The following MYCBP2 variants were observed in gnomAD, a reference collection of about 807,000 sequenced individuals.
The protein encoded by MYCBP2 is MYC binding protein 2, also known as E3 ubiquitin-protein ligase MYCBP2.
MYCBP2 carries 120 observed loss-of-function variants against 525.3 expected under a neutral mutation model. That is an observed-to-expected ratio of 0.23 (90% CI 0.20 to 0.27). The LOEUF (loss-of-function observed/expected upper bound fraction) is 0.27, where lower values mean the gene tolerates loss of function less well. MYCBP2 is among the 10% of genes least tolerant of loss of function. The pLI, the probability that MYCBP2 is intolerant of heterozygous loss-of-function variation, is 1.00. For missense variants in MYCBP2, 4,149 were observed against 5,657.1 expected (o/e 0.73, Z 8.55); for synonymous variants, 1,894 against 1,955.8 (o/e 0.97, Z 0.83).
At chr13:77,128,033 T>C (rs1220550496) in intron 52 of MYCBP2, among the ~76,000 whole-genome samples, 1 of 151,836 alleles carries the variant, frequency 6.6e-6, no homozygotes, top group Admixed American at 6.6e-5. Flanking sequence ...TTTTAAACAC[T>C]CAAAAAACTT....
At chr13:77,200,010 T>C (rs1460692017) in intron 26 of MYCBP2, among the ~76,000 whole-genome samples, 1 of 152,094 alleles carries the variant, frequency 6.6e-6, no homozygotes, top group Non-Finnish European at 1.5e-5. Flanking sequence ...GAAACACAGT[T>C]CCTCACCAGC....
intron 8 of MYCBP2, among the ~76,000 whole-genome samples, chr13:77,264,834 T>C (rs1401819474): frequency 6.6e-6 from 1 of 151,876 alleles, no homozygotes; most frequent in Non-Finnish European, 1.5e-5. Flanking sequence ...TCTGTCCTTT[T>C]GGAAAAACAA....
intron 1 of MYCBP2, among the ~76,000 whole-genome samples, chr13:77,311,904 C>G (rs2080283590): frequency 6.6e-6 from 1 of 151,994 alleles, no homozygotes; most frequent in South Asian, 2.1e-4. Flanking sequence ...GCTCAGTACT[C>G]TTCAAAGAGG....
At chr13:77,306,434 A>C (rs1190775203) in intron 1 of MYCBP2, among the ~76,000 whole-genome samples, 1 of 152,170 alleles carries the variant, frequency 6.6e-6, no homozygotes, top group East Asian at 1.9e-4. Context: ...ATGAAAACAG[A>C]TTTCTTATAT....
chr13:77,103,445 C>T (rs1208055335), intron 55 of MYCBP2: 1 of 388,624 alleles, frequency 2.6e-6, no homozygotes, highest in Non-Finnish European at 4.5e-6. Flanking sequence ...TTATATTCTG[C>T]TATATTTTTG....
At chr13:77,325,378 C>T (rs547307120) in intron 1 of MYCBP2, among the ~76,000 whole-genome samples, 2 of 152,336 alleles carry the variant, frequency 1.3e-5, no homozygotes, top group African/African-American at 4.8e-5. Context: ...ATGAAGCCAA[C>T]TCCCAATTAC....
rs140020103 is a variant in MYCBP2, at chr13:77,308,173, C to T, written c.303-11499G>A. Among the ~76,000 whole-genome samples the T allele has an allele frequency of 5.5e-4, 84 of 152,150 alleles. 1 individual carries two copies. Among genetic ancestry groups the T allele is most frequent in the Admixed American group, 4.7e-3 (72 of 15,298 alleles). On this transcript the variant is annotated intron_variant, in intron 1 of 82. Transcript: ENST00000544440. ...AACCTTTCCAGCTACTTCAAAATCC[C>T]TCCCCTACCCATCAACTCAGAGCAG...
chr13:77,303,665 C>T (rs896714834), intron 1 of MYCBP2, among the ~76,000 whole-genome samples: 4 of 151,698 alleles, frequency 2.6e-5, no homozygotes, highest in Non-Finnish European at 5.9e-5. Flanking sequence ...AAAATATTTT[C>T]CATAAAATGA....
intron 45 of MYCBP2, among the ~76,000 whole-genome samples, chr13:77,157,071 T>C (rs1445503829): frequency 2.6e-5 from 4 of 152,172 alleles, no homozygotes; most frequent in Non-Finnish European, 1.5e-5. Flanking sequence ...TTAACAACTA[T>C]AATAAATTTA....
At chr13:77,114,550 C>T (rs939334988) in intron 55 of MYCBP2, among the ~76,000 whole-genome samples, 2 of 151,994 alleles carry the variant, frequency 1.3e-5, no homozygotes, top group East Asian at 1.9e-4. Flanking sequence ...AATAGTCATG[C>T]AGATATCCAA....
chr13:77,293,361 A>T (rs1756717932), intron 2 of MYCBP2, among the ~76,000 whole-genome samples: 1 of 152,172 alleles, frequency 6.6e-6, no homozygotes, highest in African/African-American at 2.4e-5. Flanking sequence ...GTGTATCATT[A>T]TCAGTTAACT....
Position 77,096,471 on chromosome 13 carries a change from T to G in MYCBP2, c.9795A>C (p.Arg3265=). ...HMRQAHPGCG[R]YAGGQGYNSI... is the part of the protein sequence containing the mutation. ...TATTGTAACCTTGTCCACCAGCATATCGGCCACAACCTTGAAACAATACCA... is the reference window on the plus strand; with the variant it reads ...TATTGTAACCTTGTCCACCAGCATAGCGGCCACAACCTTGAAACAATACCA... The change falls in exon 57 of 83, where the codon CGA becomes CGC. Residue 3265 remains arginine (R), a synonymous_variant. Transcript: ENST00000544440. 6.2e-7 allele frequency: 1 copy of G among 1,613,118 alleles called. No homozygotes were observed. The highest frequency in any genetic ancestry group is 8.5e-7 in the Non-Finnish European group (1 of 1,179,440).
intron 42 of MYCBP2, 94 bp downstream of exon 42, chr13:77,165,169 TCGAATAGAGG>T: frequency 1.0e-6 from 1 of 958,664 alleles, no homozygotes; most frequent in Non-Finnish European, 1.6e-6. Context: ...CCCCAATTTT[TCGAATAGAGG>T]CAACAGTACA....
intron 76 of MYCBP2, among the ~76,000 whole-genome samples, chr13:77,060,825 C>T (rs768103459): frequency 2.3e-4 from 35 of 152,064 alleles, no homozygotes; most frequent in Non-Finnish European, 5.9e-5. Flanking sequence ...TGTGGGGCAA[C>T]AACTAGCAGA....
At chr13:77,096,099 G>C (rs567925760) in intron 57 of MYCBP2, among the ~76,000 whole-genome samples, 2 of 151,956 alleles carry the variant, frequency 1.3e-5, no homozygotes, top group Non-Finnish European at 2.9e-5. Flanking sequence ...TGTAGCAGAG[G>C]TTATCTAGTG....
intron 7 of MYCBP2, 34 bp from the exon 8 acceptor site, chr13:77,267,971 TTTA>T (rs1567105275): frequency 7.0e-7 from 1 of 1,424,166 alleles, no homozygotes; most frequent in African/African-American, 1.4e-5. Context: ...TGTTAAAATA[TTTA>T]TTACTAATTC....
At chr13:77,118,318 C>G in intron 55 of MYCBP2, 5 of 740,998 alleles carry the variant, frequency 6.7e-6, no homozygotes, top group Non-Finnish European at 1.2e-5. Flanking sequence ...CTTGATGAGG[C>G]AGGTAAGGCT....
chr13:77,151,250 G>T (rs747493972), intron 46 of MYCBP2, among the ~76,000 whole-genome samples: 3 of 152,160 alleles, frequency 2.0e-5, no homozygotes, highest in Non-Finnish European at 2.9e-5. Context: ...ATAGTGGAAT[G>T]AATCTACATT....
chr13:77,148,419 T>C (rs888503701), intron 47 of MYCBP2, among the ~76,000 whole-genome samples: 1 of 152,044 alleles, frequency 6.6e-6, no homozygotes, highest in African/African-American at 2.4e-5. Flanking sequence ...TTGTTCTGTC[T>C]CTGAAATCAA....
Sources: gnomAD v4.1 joint callset for allele counts (sites outside exome capture counted in the v4.1 genomes callset) on GRCh38, gnomAD v4.1.1 for gene constraint, MANE v1.5 for transcripts, NCBI Gene and HGNC (gene_info 2026-07-23, HGNC 2026-07-21) for gene names.